Variants in PLEKHG4B observed in about 807,000 individuals in gnomAD.
PLEKHG4B encodes pleckstrin homology and RhoGEF domain containing G4B.
PLEKHG4B carries 111 observed loss-of-function variants against 121.3 expected under a neutral mutation model. That is an observed-to-expected ratio of 0.92 (90% CI 0.78 to 1.07). PLEKHG4B has a LOEUF of 1.07. PLEKHG4B is among the 50% of genes least tolerant of loss of function. The pLI is 0.00. For synonymous variants in PLEKHG4B, 738 were observed against 725.0 expected, an observed-to-expected ratio of 1.02 and a Z score of -0.29; for missense variants, 1,831 against 1,757.8, an observed-to-expected ratio of 1.04 and a Z score of -0.74.
At chr5:155,020 G>T in intron 8 of PLEKHG4B, 29 bp downstream of exon 8, 1 of 1,557,176 alleles carries the variant, frequency 6.4e-7, no homozygotes, top group Non-Finnish European at 8.8e-7. Flanking sequence ...TGCTGCACAT[G>T]CGACAGTCTC....
chr5:108,060 G>A (rs1468586288), intron 1 of PLEKHG4B, among the ~76,000 whole-genome samples: 2 of 152,164 alleles, frequency 1.3e-5, no homozygotes, highest in Non-Finnish European at 2.9e-5. Flanking sequence ...GCCATCCCCT[G>A]CCACCAGGTC....
At chr5:119,904 G>A (rs1343926231) in intron 2 of PLEKHG4B, among the ~76,000 whole-genome samples, 2 of 152,220 alleles carry the variant, frequency 1.3e-5, no homozygotes, top group Non-Finnish European at 2.9e-5. Flanking sequence ...CTGAGTAAGT[G>A]GAAATGGAAG....
intron 14 of PLEKHG4B, among the ~76,000 whole-genome samples, chr5:170,622 T>C (rs1056387802): frequency 6.6e-6 from 1 of 152,176 alleles, no homozygotes; most frequent in African/African-American, 2.4e-5. Context: ...TAAAAGGTGC[T>C]TTTAGACATA....
chr5:114,719 C>A (rs1166679281), intron 2 of PLEKHG4B, among the ~76,000 whole-genome samples: 2 of 152,186 alleles, frequency 1.3e-5, no homozygotes, highest in African/African-American at 4.8e-5. Flanking sequence ...AGCCTCCCAA[C>A]AGATTCCATC....
chr5:162,596 G>A, intron 12 of PLEKHG4B, 126 bp from the exon 13 acceptor site: 1 of 665,776 alleles, frequency 1.5e-6, no homozygotes, highest in Admixed American at 3.8e-5. Flanking sequence ...TGGCGGGACT[G>A]CCTCTCGCTC....
intron 2 of PLEKHG4B, among the ~76,000 whole-genome samples, chr5:135,991 A>C (rs1315285708): frequency 6.6e-6 from 1 of 151,942 alleles, no homozygotes; most frequent in Non-Finnish European, 1.5e-5. Flanking sequence ...AGTGGAGTGG[A>C]ATAGAGAGCC....
At chr5:177,602 A>C (rs1736797673) in intron 18 of PLEKHG4B, among the ~76,000 whole-genome samples, 1 of 152,222 alleles carries the variant, frequency 6.6e-6, no homozygotes, top group Admixed American at 6.5e-5. Flanking sequence ...TGTAAGGCAG[A>C]AAAAGAGACC....
chr5:172,430 G>A (rs763265469), intron 16 of PLEKHG4B, among the ~76,000 whole-genome samples: 2 of 152,196 alleles, frequency 1.3e-5, no homozygotes, highest in African/African-American at 4.8e-5. Flanking sequence ...AGGAGCTGTC[G>A]GATTCCCAGG....
At chr5:163,954 A>C (rs533625156) in intron 13 of PLEKHG4B, among the ~76,000 whole-genome samples, 1 of 152,248 alleles carries the variant, frequency 6.6e-6, no homozygotes, top group Non-Finnish European at 1.5e-5. Flanking sequence ...CCATGCGCCC[A>C]TTGCCCCACT....
rs2126470892 is a variant in PLEKHG4B at position 183,227 on chromosome 5, G to C, written c.*904G>C. 1 of 152,338 alleles carries C rather than the reference G, an allele frequency of 6.6e-6. No individual in the cohort carries two copies. The highest frequency in any genetic ancestry group is 2.1e-4 in the South Asian group (1 of 4,818). 9.4% of individuals were successfully genotyped at this position (152,338 alleles called of 1,614,324 possible). Reference sequence around the variant, plus strand: ...ACCTAAAATGATCAAACCATTCCCAGATAATTCACTTTATCCCAGAACAAA... The same window carrying C: ...ACCTAAAATGATCAAACCATTCCCACATAATTCACTTTATCCCAGAACAAA... On this transcript the variant is annotated 3_prime_UTR_variant, in exon 20 of 20. Transcript: ENST00000637938.
intron 2 of PLEKHG4B, among the ~76,000 whole-genome samples, chr5:133,703 C>T (rs962151345): frequency 1.3e-5 from 2 of 151,940 alleles, no homozygotes; most frequent in African/African-American, 4.8e-5. Context: ...AATACAACCA[C>T]CATGGAAAAC....
chr5:153,602 T>C (rs1735672116), intron 7 of PLEKHG4B, among the ~76,000 whole-genome samples: 1 of 152,212 alleles, frequency 6.6e-6, no homozygotes, highest in Admixed American at 6.5e-5. Flanking sequence ...CACTTTCCAG[T>C]GGTGTGGCCA....
Position 162,870 on chromosome 5 carries a change from T to A in PLEKHG4B, c.2798T>A (p.Leu933Gln). 6.6e-7 allele frequency: 1 copy of A among 1,519,896 alleles called. No individual in the cohort carries two copies. The highest frequency in any genetic ancestry group is 8.8e-7 in the Non-Finnish European group (1 of 1,132,496). The allele number at this position is 1,519,896 out of a possible 1,614,324, so 94.2% of individuals were successfully genotyped here. The change falls in exon 13 of 20, where the codon CTG becomes CAG. Residue 933 changes from leucine to glutamine, a missense_variant. Transcript: ENST00000637938. ...GTGGCAGTGCTGAAGCCTCATGCCC[T>A]GGGGAAACCGTGGGCATCACAGCAA... ...AGVAVLKPHA[L>Q]GKPWASQQDL...
At chr5:172,810 C>T (rs1371455695) in intron 16 of PLEKHG4B, 87 bp from the exon 17 acceptor site, 2 of 1,451,316 alleles carry the variant, frequency 1.4e-6, no homozygotes, top group South Asian at 2.4e-5. Flanking sequence ...TGTCACGAAG[C>T]TAACACATTT....
rs535515252 is a variant in PLEKHG4B, at chr5:175,652, T to C, written c.4402+1554T>C. 8.0e-3 allele frequency among the ~76,000 whole-genome samples: 577 copies of C among 71,926 alleles called. 16 individuals are homozygous for C. Among genetic ancestry groups the C allele is most frequent in the African/African-American group, 0.033 (522 of 15,702 alleles). 47.2% of individuals were successfully genotyped at this position (71,926 alleles called of 152,430 possible). A position where few individuals can be genotyped will look rare whatever the true frequency, so the allele number is the denominator to read the frequency against. On this transcript the variant is annotated intron_variant, in intron 18 of 19. Transcript: ENST00000637938. ...GACACGACCAGGGCTCCTGCACGGCTGCACCCCGCCTGAGCCCTGACCCCC... is the reference window on the plus strand; with the variant it reads ...GACACGACCAGGGCTCCTGCACGGCCGCACCCCGCCTGAGCCCTGACCCCC...
chr5:98,837 C>CTTTTTTTTTT (rs925964165), intron 1 of PLEKHG4B, among the ~76,000 whole-genome samples: 11 of 79,294 alleles, frequency 1.4e-4, no homozygotes, highest in African/African-American at 2.6e-4. Context: ...TTGAATTTTC[C>CTTTTTTTTTT]TTTTTTTTTT....
chr5:175,042 C>T (rs533480746), intron 18 of PLEKHG4B, among the ~76,000 whole-genome samples: 2 of 152,100 alleles, frequency 1.3e-5, no homozygotes. Flanking sequence ...GGATTGGCCC[C>T]GACAGCACTC....
At position 162,990 on chromosome 5, in the gene PLEKHG4B, G is replaced by GCCCCCAAAAGC. The variant is rs895218268; in HGVS notation, c.2923_2924insAAAAGCCCCCC (p.Pro975GlnfsTer14). On this transcript the variant is annotated frameshift_variant, in exon 13 of 20. Coordinates refer to ENST00000637938, the MANE Select transcript of PLEKHG4B (RefSeq NM_052909.5). LOFTEE classifies it high-confidence loss of function. Reference sequence around the variant, plus strand: ...CCCAGCTTACCGCCCCTTGCCCAGAGCCCCCCAAAGCATGAGCGTGCCCAG... The same window carrying GCCCCCAAAAGC: ...CCCAGCTTACCGCCCCTTGCCCAGAGCCCCCAAAAGCCCCCCCAAAGCATGAGCGTGCCCAG... 1 of 1,567,118 alleles carries GCCCCCAAAAGC rather than the reference G, an allele frequency of 6.4e-7. No individual in the cohort carries two copies. The highest frequency in any genetic ancestry group is 1.9e-5 in the Admixed American group (1 of 53,762).
intron 1 of PLEKHG4B, among the ~76,000 whole-genome samples, chr5:102,684 GC>G (rs1287414485): frequency 2.6e-5 from 4 of 152,212 alleles, no homozygotes; most frequent in African/African-American, 9.6e-5. Flanking sequence ...AGAACGCTGA[GC>G]CAATTAAGCA....
Sources: allele counts gnomAD v4.1 joint callset (sites outside exome capture counted in the v4.1 genomes callset), GRCh38; gene constraint gnomAD v4.1.1; transcripts MANE v1.5; gene names NCBI Gene and HGNC (gene_info 2026-07-23, HGNC 2026-07-21).